TLK2: variants seen among roughly 807,000 people sequenced by gnomAD.
The protein encoded by TLK2 is tousled like kinase 2, also known as serine/threonine-protein kinase tousled-like 2.
Under a neutral mutation model 117.3 loss-of-function variants are expected in TLK2, and 6 were observed. The observed-to-expected ratio is 0.05, with a 90% CI of 0.03 to 0.10. The LOEUF is 0.10. TLK2 is among the 10% of genes least tolerant of loss of function. TLK2 has a pLI of 1.00. For missense variants in TLK2, 299 were observed against 901.2 expected (o/e 0.33, Z 8.56); for synonymous variants, 257 against 316.7 (o/e 0.81, Z 2.00).
At chr17:62,538,778 C>T (rs377458422) in intron 7 of TLK2, among the ~76,000 whole-genome samples, 5 of 152,200 alleles carry the variant, frequency 3.3e-5, no homozygotes, top group African/African-American at 1.2e-4. Context: ...TGCTCTGGTA[C>T]AGTTTTGTTT....
chr17:62,598,879 A>G (rs2082676062), intron 17 of TLK2, among the ~76,000 whole-genome samples: 1 of 152,348 alleles, frequency 6.6e-6, no homozygotes, highest in Middle Eastern at 3.4e-3. Flanking sequence ...TCCATTGAGC[A>G]TGAGTCTATA....
chr17:62,536,924 T>A (rs1358616473), intron 7 of TLK2, among the ~76,000 whole-genome samples: 3 of 152,242 alleles, frequency 2.0e-5, no homozygotes, highest in Non-Finnish European at 4.4e-5. Context: ...ATTTGAGTAT[T>A]ATGAAAGTTT....
chr17:62,501,465 G>GCTCA (rs2074189187), intron 2 of TLK2, among the ~76,000 whole-genome samples: 1 of 151,796 alleles, frequency 6.6e-6, no homozygotes, highest in Admixed American at 6.6e-5. Context: ...GGGTGAGGTG[G>GCTCA]CTCACTCCTG....
intron 2 of TLK2, among the ~76,000 whole-genome samples, chr17:62,493,994 TC>T (rs1220292455): frequency 4.0e-4 from 61 of 152,234 alleles, no homozygotes; most frequent in African/African-American, 1.5e-3. Context: ...GGATAGACTT[TC>T]ATGTTAGTCA....
intron 2 of TLK2, among the ~76,000 whole-genome samples, chr17:62,485,823 T>TG (rs1178285112): frequency 6.8e-6 from 1 of 147,606 alleles, no homozygotes; most frequent in African/African-American, 2.5e-5. Context: ...CTGGTTTTTT[T>TG]TTTTTTTTTT....
At position 62,566,987 on chromosome 17, in the gene TLK2, G is replaced by A. The variant is rs144367822; in HGVS notation, c.968+1850G>A. Among the ~76,000 whole-genome samples, 794 of 152,296 alleles carry A rather than the reference G, an allele frequency of 5.2e-3. 5 individuals are homozygous for A. Among genetic ancestry groups the A allele is most frequent in the African/African-American group, 0.018 (756 of 41,566 alleles). ...TCTTGCCTGTAATCCCAGCACTTTGGGAGGCCGAAGCGGGTGGATCAGTTG... is the reference window on the plus strand; with the variant it reads ...TCTTGCCTGTAATCCCAGCACTTTGAGAGGCCGAAGCGGGTGGATCAGTTG... On this transcript the variant is annotated intron_variant, in intron 11 of 21. Transcript: ENST00000346027.
chr17:62,578,238 AGGAG>A (rs2080959542), intron 13 of TLK2, among the ~76,000 whole-genome samples: 1 of 152,160 alleles, frequency 6.6e-6, no homozygotes, highest in Non-Finnish European at 1.5e-5. Flanking sequence ...GGGCATGGAG[AGGAG>A]GGAGGAGGAG....
At chr17:62,571,566 A>G (rs2080293235) in intron 11 of TLK2, among the ~76,000 whole-genome samples, 1 of 152,182 alleles carries the variant, frequency 6.6e-6, no homozygotes. Context: ...AAACTCTTGA[A>G]TTATCATTTT....
intron 7 of TLK2, among the ~76,000 whole-genome samples, chr17:62,539,730 G>T (rs982833404): frequency 6.6e-6 from 1 of 151,994 alleles, no homozygotes; most frequent in Non-Finnish European, 1.5e-5. Context: ...TCAAACTCCT[G>T]ACCTCAAGTG....
intron 15 of TLK2, among the ~76,000 whole-genome samples, chr17:62,584,336 C>G (rs996040740): frequency 6.6e-6 from 1 of 151,632 alleles, no homozygotes; most frequent in African/African-American, 2.4e-5. Flanking sequence ...AGGATGGTCT[C>G]GATCTCCCGA....
chr17:62,600,989 T>C (rs1267176111), intron 18 of TLK2, among the ~76,000 whole-genome samples, 169 bp downstream of exon 18: 1 of 152,156 alleles, frequency 6.6e-6, no homozygotes, highest in Admixed American at 6.5e-5. Context: ...CAAGCAGCAC[T>C]GGGTTTAGGA....
rs76282333 is a variant in TLK2 at position 62,612,186 on chromosome 17, C to T, written c.2080-206C>T. The T allele has an allele frequency of 6.1e-5, 30 of 490,776 alleles. No homozygotes were observed. In the South Asian group the frequency reaches 7.6e-4, roughly 12 times the overall value. The allele number at this position is 490,776 out of a possible 1,614,324, so 30.4% of individuals were successfully genotyped here. On this transcript the variant is annotated intron_variant, in intron 21 of 21. Coordinates refer to ENST00000346027, the MANE Select transcript of TLK2 (RefSeq NM_006852.6). ...CAGCCCTTTCTGTCTGAGAAGGGAT[C>T]GGTGGCAGCAGAGAGGTACTTCTGT...
intron 21 of TLK2, among the ~76,000 whole-genome samples, chr17:62,610,846 G>T (rs2083698401): frequency 6.6e-6 from 1 of 152,128 alleles, no homozygotes; most frequent in Non-Finnish European, 1.5e-5. Context: ...GAAAATTCAA[G>T]GTAAATGAAG....
intron 2 of TLK2, among the ~76,000 whole-genome samples, chr17:62,506,256 A>G (rs1255653824): frequency 6.6e-6 from 1 of 152,232 alleles, no homozygotes; most frequent in African/African-American, 2.4e-5. Context: ...AGATAGGTAG[A>G]ACCTGGAACC....
chr17:62,547,025 T>C (rs940617950), intron 7 of TLK2, among the ~76,000 whole-genome samples: 1 of 152,222 alleles, frequency 6.6e-6, no homozygotes, highest in Non-Finnish European at 1.5e-5. Flanking sequence ...GTAGCTACAG[T>C]ATACTTTTGA....
upstream of TLK2, among the ~76,000 whole-genome samples, chr17:62,476,926 GAA>G (rs59956556): frequency 8.5e-4 from 124 of 145,682 alleles, no homozygotes; most frequent in Middle Eastern, 7.0e-3. Flanking sequence ...TACCAAAAAA[GAA>G]AAAAAAAAAA....
intron 11 of TLK2, among the ~76,000 whole-genome samples, chr17:62,568,084 G>A (rs935230076): frequency 2.0e-5 from 3 of 152,006 alleles, no homozygotes; most frequent in Non-Finnish European, 2.9e-5. Flanking sequence ...CCATGGCAAG[G>A]CAATAAAAAT....
chr17:62,517,681 G>A (rs531645780), intron 2 of TLK2, among the ~76,000 whole-genome samples: 2 of 148,732 alleles, frequency 1.3e-5, no homozygotes, highest in South Asian at 2.2e-4. Context: ...CACGCCGGCC[G>A]AATTTTTTAA....
At chr17:62,594,789 TACACACACACACACACACACACAC>T (rs143695451) in intron 16 of TLK2, among the ~76,000 whole-genome samples, 3 of 145,518 alleles carry the variant, frequency 2.1e-5, no homozygotes, top group East Asian at 2.1e-4. Context: ...GCAGGGCGGG[TACACACACACACACACACACACAC>T]ACACACACAC....
Sources: gnomAD v4.1 joint callset for allele counts (sites outside exome capture counted in the v4.1 genomes callset) on GRCh38, gnomAD v4.1.1 for gene constraint, MANE v1.5 for transcripts, NCBI Gene and HGNC (gene_info 2026-07-23, HGNC 2026-07-21) for gene names.